Variants in RSF1 observed in about 807,000 individuals in gnomAD.
RSF1 encodes the protein HBV pX-associated protein 8.
In RSF1, 13 loss-of-function variants were observed where a neutral mutation model predicts 145.2. The ratio of observed to expected loss-of-function variants is 0.09; its 90% CI spans 0.06 to 0.14. The LOEUF (loss-of-function observed/expected upper bound fraction) is 0.14. RSF1 is among the 10% of genes least tolerant of loss of function. RSF1 has a pLI of 1.00. For synonymous variants in RSF1, 577 were observed against 592.6 expected, an observed-to-expected ratio of 0.97 and a Z score of 0.38; for missense variants, 1,517 against 1,718.2, an observed-to-expected ratio of 0.88 and a Z score of 2.07.
At chr11:77,864,274 T>C in the RSF1 span, among the ~76,000 whole-genome samples, 2 of 151,658 alleles carry the variant, frequency 1.3e-5, no homozygotes, top group African/African-American at 4.8e-5. Context: ...CTTGGGCCCA[T>C]CTCTACTAAA....
At chr11:77,670,664 G>C (rs539371550) in intron 15 of RSF1, among the ~76,000 whole-genome samples, 26 of 152,178 alleles carry the variant, frequency 1.7e-4, no homozygotes, top group African/African-American at 6.3e-4. Flanking sequence ...GTTTGTTTCT[G>C]TGACACATGA....
In RSF1 at chr11:77,701,740, T is replaced by C. The variant is rs749823338; in HGVS notation, c.1489A>G (p.Met497Val). Residue 497 changes from methionine to valine, a missense_variant, in exon 6 of 16, where the codon ATG becomes GTG. This residue lies in a region of RSF1 where 579 missense variants were observed against 553.5 expected (regional missense o/e 1.05). Transcript: ENST00000308488. ...TESLNSVITS[M>V]KTGELEKETA... ...TCTTTCTCAAGCTCACCTGTTTTCA[T>C]ACTTGTTATGACAGAATTTAAGGAC... The C allele has an allele frequency of 6.2e-7, 1 of 1,613,746 alleles. No individual in the cohort carries two copies. The highest frequency in any genetic ancestry group is 1.1e-5 in the South Asian group (1 of 91,048).
chr11:77,725,368 C>T (rs1037597270), intron 5 of RSF1, among the ~76,000 whole-genome samples, 177 bp downstream of exon 5: 6 of 152,012 alleles, frequency 3.9e-5, no homozygotes, highest in Admixed American at 2.0e-4. Context: ...AAAAGAGCAA[C>T]ATATTTAATA....
intron 2 of RSF1, among the ~76,000 whole-genome samples, chr11:77,756,249 T>C (rs1948114593): frequency 6.7e-6 from 1 of 149,858 alleles, no homozygotes; most frequent in Non-Finnish European, 1.5e-5. Context: ...CCCCAGCTAC[T>C]AGGGAGGCTG....
chr11:77,863,417 T>C, the RSF1 span, among the ~76,000 whole-genome samples: 1 of 152,024 alleles, frequency 6.6e-6, no homozygotes, highest in African/African-American at 2.4e-5. Flanking sequence ...AAGAGTGCAG[T>C]TGCAAGATTT....
the RSF1 span, chr11:77,832,074 T>A: frequency 6.6e-6 from 1 of 151,908 alleles, no homozygotes; most frequent in Non-Finnish European, 1.5e-5. Context: ...TCTTGTGACT[T>A]CATTTTCTCT....
the RSF1 span, among the ~76,000 whole-genome samples, chr11:77,839,792 G>A: frequency 5.3e-5 from 8 of 152,178 alleles, no homozygotes; most frequent in South Asian, 2.1e-4. Flanking sequence ...ACACAGGGAG[G>A]GGAACAACAC....
chr11:77,864,074 C>G, the RSF1 span, among the ~76,000 whole-genome samples: 1 of 151,648 alleles, frequency 6.6e-6, no homozygotes, highest in African/African-American at 2.4e-5. Flanking sequence ...TTACAGGTGC[C>G]TGCTACCACA....
At chr11:77,727,502 G>A (rs1175553048) in intron 4 of RSF1, among the ~76,000 whole-genome samples, 1 of 129,520 alleles carries the variant, frequency 7.7e-6, no homozygotes, top group African/African-American at 3.0e-5. Flanking sequence ...TTGAGATGGA[G>A]TTTCACTCTT....
At chr11:77,747,227 A>T in intron 2 of RSF1, 99 bp from the exon 3 acceptor site, 1 of 719,016 alleles carries the variant, frequency 1.4e-6, no homozygotes, top group South Asian at 1.7e-5. Context: ...ATGTTTATAA[A>T]GGAAAGAGGT....
chr11:77,847,737 A>G, the RSF1 span, among the ~76,000 whole-genome samples: 1 of 152,238 alleles, frequency 6.6e-6, no homozygotes, highest in Non-Finnish European at 1.5e-5. Context: ...TTAATAAGTC[A>G]TAACCACTTT....
At chr11:77,764,981 T>C (rs1292022479) in intron 1 of RSF1, among the ~76,000 whole-genome samples, 4 of 152,178 alleles carry the variant, frequency 2.6e-5, no homozygotes, top group African/African-American at 9.6e-5. Flanking sequence ...TATATGTCAA[T>C]GTAGGTTCAT....
chr11:77,700,984 G>A lies in RSF1; in HGVS notation c.2245C>T (p.Pro749Ser). Residue 749 changes from proline (P) to serine (S), a missense_variant, in exon 6 of 16, where the codon CCC becomes TCC. By Grantham distance (74) the Pro-to-Ser change is moderately conservative. Transcript: ENST00000308488. ...ISSRKKKPDS[P>S]PKVLEPENKQ... ...TTTTCTGGTTCTAGAACTTTGGGGGGAGAATCGGGCTTCTTTTTCCGACTT... is the reference window on the plus strand; with the variant it reads ...TTTTCTGGTTCTAGAACTTTGGGGGAAGAATCGGGCTTCTTTTTCCGACTT... 6.2e-7 allele frequency: 1 copy of A among 1,613,462 alleles called. No individual in the cohort carries two copies. Among genetic ancestry groups the A allele is most frequent in the Non-Finnish European group, 8.5e-7 (1 of 1,179,994 alleles).
the RSF1 span, among the ~76,000 whole-genome samples, chr11:77,849,139 C>T: frequency 1.3e-5 from 2 of 151,826 alleles, no homozygotes; most frequent in South Asian, 2.1e-4. Flanking sequence ...CAGGCTCAAG[C>T]GTTCCTCCCA....
chr11:77,676,944 G>C lies in RSF1; in HGVS notation c.3189C>G (p.Ile1063Met), dbSNP rs747449648. The stretch of plus-strand genomic sequence containing the variant: ...TTCTTTCTTCATCCAAAATAGTAGA[G>C]ATGTCTTTCCCACGATGACCTGTGA... ...STITGHRGKD[I>M]STILDEERKE... Residue 1063 changes from isoleucine (I) to methionine (M), a missense_variant, in exon 13 of 16, where the codon ATC becomes ATG. By Grantham distance (10) the Ile-to-Met change is conservative. Transcript: ENST00000308488. 6.3e-7 allele frequency: 1 copy of C among 1,581,018 alleles called. No homozygotes were observed. Among genetic ancestry groups the C allele is most frequent in the East Asian group, 2.4e-5 (1 of 42,234 alleles).
At chr11:77,717,763 A>G (rs770808414) in intron 5 of RSF1, 1 of 152,234 alleles carries the variant, frequency 6.6e-6, no homozygotes, top group African/African-American at 2.4e-5. Context: ...GATACAGGGA[A>G]GTAAGTTCTT....
chr11:77,660,985 A>G lies in RSF1; in HGVS notation c.*5932T>C, dbSNP rs1175662836. Reference sequence around the variant, plus strand: ...ACCATGGTAAAATGTGCCATGTAAAAGACTGTGCTAGAATCAGAAGTTCTA... The same window carrying G: ...ACCATGGTAAAATGTGCCATGTAAAGGACTGTGCTAGAATCAGAAGTTCTA... On this transcript the variant is annotated 3_prime_UTR_variant, in exon 16 of 16. Transcript: ENST00000308488. 2 of 152,210 alleles carry G rather than the reference A, an allele frequency of 1.3e-5. No individual in the cohort carries two copies. The highest frequency in any genetic ancestry group is 1.5e-5 in the Non-Finnish European group (1 of 68,022). The allele number at this position is 152,210 out of a possible 1,614,324, so 9.4% of individuals were successfully genotyped here.
chr11:77,811,393 T>A (rs776141139), intron 1 of RSF1, among the ~76,000 whole-genome samples: 4 of 152,184 alleles, frequency 2.6e-5, no homozygotes, highest in Non-Finnish European at 5.9e-5. Flanking sequence ...CCTCAAAGAG[T>A]TTACCATCTT....
intron 1 of RSF1, among the ~76,000 whole-genome samples, 199 bp from the exon 2 acceptor site, chr11:77,764,888 C>T (rs1406826749): frequency 1.3e-5 from 2 of 152,122 alleles, no homozygotes. Flanking sequence ...TTCTCAAAGA[C>T]AAGCAAGAAT....
Sources: gnomAD v4.1 joint callset for allele counts (sites outside exome capture counted in the v4.1 genomes callset) on GRCh38, gnomAD v4.1.1 for gene constraint, gnomAD v4.1.1 regional missense constraint, MANE v1.5 for transcripts, NCBI Gene and HGNC (gene_info 2026-07-23, HGNC 2026-07-21) for gene names.